Variants in RGS5 observed in about 807,000 individuals in gnomAD.
RGS5 encodes regulator of G-protein signalling 5.
A neutral mutation model predicts 18.9 loss-of-function variants in RGS5; 20 were observed. That is an observed-to-expected ratio of 1.06 (90% CI 0.74 to 1.54). The LOEUF is 1.54. RGS5 is among the 40% of genes most tolerant of loss of function. RGS5 has a pLI of 0.00. For synonymous variants in RGS5, 57 were observed against 76.2 expected (o/e 0.75, Z 1.31); for missense variants, 201 against 211.8 (o/e 0.95, Z 0.32).
At chr1:163,175,091 T>A (rs568615540) in intron 1 of RGS5, among the ~76,000 whole-genome samples, 1 of 152,250 alleles carries the variant, frequency 6.6e-6, no homozygotes, top group South Asian at 2.1e-4. Context: ...GAGGTTTCTT[T>A]CCACGGACTA....
At chr1:163,270,297 A>T (rs1648684327) in intron 2 of RGS5, among the ~76,000 whole-genome samples, 1 of 146,052 alleles carries the variant, frequency 6.8e-6, no homozygotes, top group African/African-American at 2.5e-5. Context: ...GGCTCGCTTG[A>T]GCCCAAGAGT....
At chr1:163,301,679 A>G (rs1509027) in intron 2 of RGS5, among the ~76,000 whole-genome samples, 4 of 152,112 alleles carry the variant, frequency 2.6e-5, no homozygotes, top group Admixed American at 1.3e-4. Flanking sequence ...TTACTGCTCA[A>G]TTCTCCCCTT....
intron 2 of RGS5, among the ~76,000 whole-genome samples, chr1:163,235,165 C>T (rs1432424191): frequency 6.6e-6 from 1 of 152,110 alleles, no homozygotes; most frequent in Non-Finnish European, 1.5e-5. Context: ...AATTCATATC[C>T]CTTCTACATT....
chr1:163,160,916 AT>A (rs915953147), intron 3 of RGS5, among the ~76,000 whole-genome samples: 3 of 152,222 alleles, frequency 2.0e-5, no homozygotes, highest in Admixed American at 2.0e-4. Flanking sequence ...AATTATCTAC[AT>A]GAAAAAGACT....
intron 2 of RGS5, among the ~76,000 whole-genome samples, chr1:163,165,287 A>G (rs1657990971): frequency 6.6e-6 from 1 of 152,244 alleles, no homozygotes; most frequent in African/African-American, 2.4e-5. Context: ...TAAAATGATC[A>G]CTACAACAAC....
intron 2 of RGS5, among the ~76,000 whole-genome samples, chr1:163,253,472 CTT>C (rs35268118): frequency 2.7e-4 from 37 of 137,698 alleles, no homozygotes; most frequent in Admixed American, 5.8e-4. Context: ...CCATGCCCAA[CTT>C]TTTTTTTTTT....
chr1:163,275,789 T>C (rs184751899), intron 2 of RGS5, among the ~76,000 whole-genome samples: 1 of 151,968 alleles, frequency 6.6e-6, no homozygotes, highest in Non-Finnish European at 1.5e-5. Flanking sequence ...GCTCAGGATA[T>C]ATAATAAGTA....
chr1:163,230,895 A>AGGGG (rs1392720652), intron 2 of RGS5, among the ~76,000 whole-genome samples: 3 of 152,252 alleles, frequency 2.0e-5, no homozygotes, highest in Non-Finnish European at 4.4e-5. Flanking sequence ...GTCCTTTTAA[A>AGGGG]AAAATCCACA....
At chr1:163,273,316 AT>A (rs1648771188) in intron 2 of RGS5, among the ~76,000 whole-genome samples, 1 of 152,122 alleles carries the variant, frequency 6.6e-6, no homozygotes, top group Non-Finnish European at 1.5e-5. Flanking sequence ...CATTCTATCA[AT>A]TATTAAGAGT....
intron 2 of RGS5, among the ~76,000 whole-genome samples, chr1:163,246,664 C>T (rs1433090432): frequency 6.6e-6 from 1 of 152,180 alleles, no homozygotes; most frequent in South Asian, 2.1e-4. Flanking sequence ...TTGGGAAGAA[C>T]AGTTCTTACA....
At position 163,147,309 on chromosome 1, in the gene RGS5, C is replaced by G. The variant is rs768577804; in HGVS notation, c.*33G>C. 1.3e-5 allele frequency: 20 copies of G among 1,553,152 alleles called. No homozygotes were observed. The highest frequency in any genetic ancestry group is 1.7e-5 in the Non-Finnish European group (20 of 1,152,190). ...TGCAGGGTTATTATGGAGGAAATAA[C>G]TCACAGGATGATTTCATAGCCTGGC... On this transcript the variant is annotated 3_prime_UTR_variant, in exon 5 of 5. Coordinates refer to ENST00000313961, the MANE Select transcript of RGS5 (RefSeq NM_003617.4).
intron 1 of RGS5, among the ~76,000 whole-genome samples, chr1:163,185,018 A>G (rs1659011801): frequency 6.6e-6 from 1 of 152,200 alleles, no homozygotes; most frequent in Non-Finnish European, 1.5e-5. Context: ...CTGTTCTGTG[A>G]TCCTCATTCT....
intron 2 of RGS5, among the ~76,000 whole-genome samples, chr1:163,223,984 A>T (rs1013139042): frequency 6.6e-6 from 1 of 152,198 alleles, no homozygotes; most frequent in Non-Finnish European, 1.5e-5. Context: ...GTTTTGGTAC[A>T]TGTATATGTT....
At chr1:163,284,252 T>C (rs1003433078) in intron 2 of RGS5, among the ~76,000 whole-genome samples, 13 of 152,292 alleles carry the variant, frequency 8.5e-5, no homozygotes, top group Middle Eastern at 6.8e-3. Flanking sequence ...CTGTGCCCAT[T>C]AGATTTGTTA....
At chr1:163,189,438 G>C (rs140678290) in intron 1 of RGS5, among the ~76,000 whole-genome samples, 1 of 152,168 alleles carries the variant, frequency 6.6e-6, no homozygotes, top group African/African-American at 2.4e-5. Context: ...ATAAAGAGAC[G>C]TAAAATGGTA....
chr1:163,172,526 G>A (rs922398396), intron 1 of RGS5: 22 of 1,542,408 alleles, frequency 1.4e-5, no homozygotes, highest in African/African-American at 2.8e-5. Context: ...AGAGAAAATC[G>A]TATTCCATTT....
chr1:163,256,178 T>C (rs1368199974), intron 2 of RGS5, among the ~76,000 whole-genome samples: 1 of 152,136 alleles, frequency 6.6e-6, no homozygotes, highest in African/African-American at 2.4e-5. Context: ...ATTGTCCCTG[T>C]TTGCAGATGA....
At chr1:163,282,816 A>G (rs1649032859) in intron 2 of RGS5, among the ~76,000 whole-genome samples, 1 of 152,212 alleles carries the variant, frequency 6.6e-6, no homozygotes, top group Non-Finnish European at 1.5e-5. Context: ...TTAGTATATC[A>G]AAGAGATACC....
At chr1:163,152,995 C>G (rs901052631) in intron 3 of RGS5, among the ~76,000 whole-genome samples, 1 of 152,146 alleles carries the variant, frequency 6.6e-6, no homozygotes, top group Admixed American at 6.6e-5. Flanking sequence ...TCTTTCCAAA[C>G]AATCAAATGC....
Sources: gnomAD v4.1 joint callset for allele counts (sites outside exome capture counted in the v4.1 genomes callset) on GRCh38, gnomAD v4.1.1 for gene constraint, MANE v1.5 for transcripts, NCBI Gene and HGNC (gene_info 2026-07-23, HGNC 2026-07-21) for gene names.